The following CREB5 variants were observed in gnomAD, a reference collection of about 807,000 sequenced individuals.
CREB5 encodes the protein cyclic AMP-responsive element-binding protein 5.
A neutral mutation model predicts 57.1 loss-of-function variants in CREB5; 19 were observed. That is an observed-to-expected ratio of 0.33 (90% confidence interval 0.23 to 0.49). The LOEUF is 0.49. Ranked by LOEUF, CREB5 falls within the 20% of genes least tolerant of loss-of-function variation. The pLI is 0.99. For missense variants in CREB5, 579 were observed against 671.6 expected (o/e 0.86, Z 1.52); for synonymous variants, 238 against 238.3 (o/e 1.00, Z 0.01).
intron 7 of CREB5, among the ~76,000 whole-genome samples, chr7:28,730,228 G>A (rs1391839821): frequency 6.6e-6 from 1 of 152,054 alleles, no homozygotes; most frequent in African/African-American, 2.4e-5. Flanking sequence ...CTATCAACCA[G>A]ACTAAAGTGC....
intron 9 of CREB5, among the ~76,000 whole-genome samples, chr7:28,812,446 T>G (rs1809174283): frequency 6.6e-6 from 1 of 152,156 alleles, no homozygotes; most frequent in African/African-American, 2.4e-5. Flanking sequence ...CCTAATGCAC[T>G]GATTTTTTTT....
At chr7:28,578,232 C>T (rs979625677) in intron 5 of CREB5, among the ~76,000 whole-genome samples, 3 of 152,002 alleles carry the variant, frequency 2.0e-5, no homozygotes, top group Non-Finnish European at 4.4e-5. Flanking sequence ...AAAAAATTAG[C>T]TGTTCTTTTC....
chr7:28,380,709 A>G (rs1368235541), intron 1 of CREB5, among the ~76,000 whole-genome samples: 1 of 152,206 alleles, frequency 6.6e-6, no homozygotes, highest in African/African-American at 2.4e-5. Flanking sequence ...CACAATGGCC[A>G]GGTGGGCACT....
chr7:28,331,941 G>C (rs10242276), intron 1 of CREB5, among the ~76,000 whole-genome samples: 6,714 of 151,196 alleles, frequency 0.044, 487 homozygotes, highest in African/African-American at 0.15. Context: ...TCCCCCAAAA[G>C]ATATGTCTTA....
chr7:28,382,524 G>A (rs1437771828), intron 1 of CREB5, among the ~76,000 whole-genome samples: 1 of 151,928 alleles, frequency 6.6e-6, no homozygotes, highest in African/African-American at 2.4e-5. Context: ...ATTTTTTTCC[G>A]TGAGCATTAA....
chr7:28,784,454 C>T (rs1271228732), intron 7 of CREB5, among the ~76,000 whole-genome samples: 2 of 152,024 alleles, frequency 1.3e-5, no homozygotes, highest in Admixed American at 6.5e-5. Context: ...AACCCTTTCT[C>T]GGGGCTCCCT....
chr7:28,599,506 G>T (rs1796821613), intron 5 of CREB5, among the ~76,000 whole-genome samples: 1 of 152,156 alleles, frequency 6.6e-6, no homozygotes, highest in African/African-American at 2.4e-5. Context: ...TGGGGGTGGA[G>T]GTGGGAAACA....
At chr7:28,718,437 G>A (rs958514602) in intron 5 of CREB5, among the ~76,000 whole-genome samples, 1 of 152,168 alleles carries the variant, frequency 6.6e-6, no homozygotes, top group Non-Finnish European at 1.5e-5. Context: ...AGTAAACAAA[G>A]GATTTCACCA....
intron 1 of CREB5, among the ~76,000 whole-genome samples, chr7:28,431,686 T>A (rs1475305816): frequency 1.3e-5 from 2 of 152,222 alleles, no homozygotes; most frequent in South Asian, 4.1e-4. Flanking sequence ...ACTTGATTAC[T>A]TTTTTTGACC....
intron 7 of CREB5, among the ~76,000 whole-genome samples, chr7:28,728,273 G>A (rs1803435705): frequency 6.6e-6 from 1 of 152,256 alleles, no homozygotes; most frequent in East Asian, 1.9e-4. Context: ...GGCAACTGAG[G>A]CTACAAACGG....
Position 28,560,947 on chromosome 7 carries a change from T to TGC in CREB5, c.292-9417_292-9416insCG, listed in dbSNP as rs1562798055. 6.3e-3 allele frequency among the ~76,000 whole-genome samples: 133 copies of TGC among 21,174 alleles called. 1 individual carries two copies. The highest frequency in any genetic ancestry group is 8.5e-3 in the Admixed American group (15 of 1,766). 13.9% of individuals were successfully genotyped at this position (21,174 alleles called of 152,430 possible). On this transcript the variant is annotated intron_variant, in intron 4 of 10. Transcript: ENST00000357727. The stretch of plus-strand genomic sequence containing the variant: ...GCGCGTGCGTGTGTGCGTGCGTGTG[T>TGC]GTGCGTGTGTGTGCGTGTGTGTGTG...
chr7:28,806,328 A>G lies in CREB5; in HGVS notation c.1026+1806A>G, dbSNP rs182763129. On this transcript the variant is annotated intron_variant, in intron 8 of 10. Coordinates refer to ENST00000357727, the MANE Select transcript of CREB5 (RefSeq NM_182898.4). Reference sequence around the variant, plus strand: ...CCCAGGTTGGTCTTGCTAAAATTTGAACCAGATCATTTAGGCAGTATCCCA... The same window carrying G: ...CCCAGGTTGGTCTTGCTAAAATTTGGACCAGATCATTTAGGCAGTATCCCA... 1.4e-4 allele frequency among the ~76,000 whole-genome samples: 21 copies of G among 152,266 alleles called. No homozygotes were observed. The East Asian group carries it at 4.0e-3, about 29-fold the overall frequency.
intron 4 of CREB5, among the ~76,000 whole-genome samples, chr7:28,508,609 T>A (rs1792578518): frequency 6.6e-6 from 1 of 152,310 alleles, no homozygotes; most frequent in Admixed American, 6.5e-5. Context: ...TTTTAGTCCT[T>A]GTCTATGTGA....
At chr7:28,638,133 G>T (rs1478565288) in intron 5 of CREB5, among the ~76,000 whole-genome samples, 1 of 151,902 alleles carries the variant, frequency 6.6e-6, no homozygotes, top group Non-Finnish European at 1.5e-5. Flanking sequence ...GGCTTGTTTT[G>T]TATGCCAAAT....
intron 5 of CREB5, among the ~76,000 whole-genome samples, chr7:28,703,630 C>A (rs1801970126): frequency 6.6e-6 from 1 of 152,032 alleles, no homozygotes; most frequent in Admixed American, 6.6e-5. Context: ...GGTGTTGCTC[C>A]CAGACTAAGG....
At chr7:28,516,991 C>A (rs957805555) in intron 4 of CREB5, among the ~76,000 whole-genome samples, 4 of 152,150 alleles carry the variant, frequency 2.6e-5, no homozygotes, top group African/African-American at 9.7e-5. Context: ...CGCTGTCCTC[C>A]GCGAGGCCCT....
chr7:28,651,089 T>A (rs1799111756), intron 5 of CREB5, among the ~76,000 whole-genome samples: 1 of 151,892 alleles, frequency 6.6e-6, no homozygotes, highest in South Asian at 2.1e-4. Flanking sequence ...TTGTTTTTAC[T>A]ATTTTTTTTT....
In CREB5 at chr7:28,306,549, TTTTTTG is replaced by T. The variant is rs1346912729; in HGVS notation, c.-25+7114_-25+7119del. Reference sequence around the variant, plus strand: ...CAGTACATACAGATACAGTTTTGTTTTTTTTGTTTTTTTTTTTTTTTTTTTTTTTGA... The same window carrying T: ...CAGTACATACAGATACAGTTTTGTTTTTTTTTTTTTTTTTTTTTTTTTTGA... On this transcript the variant is annotated intron_variant, in intron 1 of 9. Transcript: ENST00000396299. Among the ~76,000 whole-genome samples the T allele has an allele frequency of 2.5e-3, 91 of 36,904 alleles. 2 individuals carry two copies. The highest frequency in any genetic ancestry group is 5.7e-3 in the African/African-American group (78 of 13,590). 24.2% of individuals were successfully genotyped at this position (36,904 alleles called of 152,430 possible).
At chr7:28,751,243 T>C (rs1804960391) in intron 7 of CREB5, among the ~76,000 whole-genome samples, 1 of 152,076 alleles carries the variant, frequency 6.6e-6, no homozygotes, top group South Asian at 2.1e-4. Flanking sequence ...TTCCTTCTTC[T>C]CTACACATCT....
Sources: gnomAD v4.1 joint callset for allele counts (sites outside exome capture counted in the v4.1 genomes callset) on GRCh38, gnomAD v4.1.1 for gene constraint, MANE v1.5 for transcripts, NCBI Gene and HGNC (gene_info 2026-07-23, HGNC 2026-07-21) for gene names.